The following AIMP1 variants were observed in gnomAD, a reference collection of about 807,000 sequenced individuals.
The protein encoded by AIMP1 is aminoacyl tRNA synthetase complex interacting multifunctional protein 1.
A neutral mutation model predicts 33.1 loss-of-function variants in AIMP1; 24 were observed. The observed-to-expected ratio is 0.73, with a 90% CI of 0.53 to 1.02. The LOEUF is 1.02. AIMP1 is among the 50% of genes least tolerant of loss of function. AIMP1 has a pLI of 0.00. For missense variants in AIMP1, 367 were observed against 364.8 expected (o/e 1.01, Z -0.05); for synonymous variants, 120 against 121.5 (o/e 0.99, Z 0.08).
Position 106,339,790 on chromosome 4 carries a change from T to C in AIMP1, c.772+2753T>C, listed in dbSNP as rs1770025975. ...CACAGAAAGACAGAGATGAAAAGTT[T>C]AGATTTATAATTATAAATTCCATCT... On this transcript the variant is annotated intron_variant, in intron 6 of 6. Coordinates refer to ENST00000672341, the MANE Select transcript of AIMP1 (RefSeq NM_001142416.2). Among the ~76,000 whole-genome samples, 2 of 152,070 alleles carry C rather than the reference T, an allele frequency of 1.3e-5. 1 individual carries two copies. The highest frequency in any genetic ancestry group is 4.1e-4 in the South Asian group (2 of 4,836).
intron 1 of AIMP1, among the ~76,000 whole-genome samples, chr4:106,317,869 T>C (rs1156663753): frequency 6.6e-6 from 1 of 152,192 alleles, no homozygotes; most frequent in Non-Finnish European, 1.5e-5. Context: ...AGGTATGTAA[T>C]GGGTCTAGTC....
intron 2 of AIMP1, 59 bp from the exon 3 acceptor site, chr4:106,327,392 T>C (rs1769492531): frequency 8.1e-7 from 1 of 1,241,968 alleles, no homozygotes; most frequent in South Asian, 1.2e-5. Context: ...TCTTTTCAAA[T>C]AGTATTCATA....
Position 106,341,365 on chromosome 4 carries a change from C to A in AIMP1, c.772+4328C>A, listed in dbSNP as rs573688193. On this transcript the variant is annotated intron_variant, in intron 6 of 6. Transcript: ENST00000672341. ...GAAGGATATTTCCTAGAATTTTTGC[C>A]AAGGGTGATATTGAGAAAGATATTT... Among the ~76,000 whole-genome samples, 86 of 152,040 alleles carry A rather than the reference C, an allele frequency of 5.7e-4. 1 individual carries two copies. The highest frequency in any genetic ancestry group is 2.0e-3 in the African/African-American group (81 of 41,486).
chr4:106,333,548 A>G (rs552926575), intron 5 of AIMP1, among the ~76,000 whole-genome samples: 3 of 152,326 alleles, frequency 2.0e-5, no homozygotes, highest in African/African-American at 7.2e-5. Context: ...GTTTCATAAA[A>G]GAAATTGATA....
chr4:106,337,282 C>G (rs775435412), intron 6 of AIMP1, among the ~76,000 whole-genome samples: 12 of 152,140 alleles, frequency 7.9e-5, no homozygotes, highest in Non-Finnish European at 1.3e-4. Flanking sequence ...GACTATGTCC[C>G]CACCAAAATC....
At chr4:106,331,953 C>T in intron 5 of AIMP1, 70 bp downstream of exon 5, 1 of 1,419,112 alleles carries the variant, frequency 7.0e-7, no homozygotes, top group East Asian at 2.3e-5. Flanking sequence ...TGGTATCTTT[C>T]CATTATAATT....
At chr4:106,325,207 T>C in intron 2 of AIMP1, 89 bp downstream of exon 2, 3 of 1,270,604 alleles carry the variant, frequency 2.4e-6, no homozygotes, top group Non-Finnish European at 3.3e-6. Context: ...TTTAAGTTAT[T>C]TAAGTTTTAC....
intron 4 of AIMP1, among the ~76,000 whole-genome samples, chr4:106,331,278 T>C (rs1339651204): frequency 6.6e-6 from 1 of 152,158 alleles, no homozygotes; most frequent in African/African-American, 2.4e-5. Context: ...AAAGGCAAAC[T>C]TTTTCTGCCT....
Position 106,347,524 on chromosome 4 carries a change from A to C in AIMP1, c.773-2A>C, listed in dbSNP as rs372542318. 3.4e-5 allele frequency: 55 copies of C among 1,612,186 alleles called. No individual in the cohort carries two copies. The highest frequency in any genetic ancestry group is 4.7e-5 in the Non-Finnish European group (55 of 1,179,134). On this transcript the variant is annotated splice_acceptor_variant, in intron 6 of 6. Coordinates refer to ENST00000672341, the MANE Select transcript of AIMP1 (RefSeq NM_001142416.2). LOFTEE classifies it high-confidence loss of function. ...TTCTTGTGCTTTTTTTCTCCTACAC[A>C]GGAGAGCCTGACAAGGAGCTGAATC...
intron 5 of AIMP1, among the ~76,000 whole-genome samples, chr4:106,334,329 C>T (rs1394305421): frequency 6.7e-6 from 1 of 148,270 alleles, no homozygotes; most frequent in African/African-American, 2.5e-5. Context: ...GGGGCAGTCT[C>T]GGCTCACTGC....
chr4:106,324,951 A>C (rs1358765433), intron 1 of AIMP1, 34 bp from the exon 2 acceptor site: 1 of 1,543,732 alleles, frequency 6.5e-7, no homozygotes, highest in African/African-American at 1.4e-5. Flanking sequence ...TATTCCTTTC[A>C]CAGTGTAATT....
intron 5 of AIMP1, among the ~76,000 whole-genome samples, chr4:106,336,597 C>G (rs1330207730): frequency 1.3e-5 from 2 of 152,160 alleles, no homozygotes; most frequent in Non-Finnish European, 2.9e-5. Flanking sequence ...AAAACCAAGT[C>G]TGTTTCACTC....
At chr4:106,335,049 T>C (rs762896551) in intron 5 of AIMP1, among the ~76,000 whole-genome samples, 2 of 152,208 alleles carry the variant, frequency 1.3e-5, no homozygotes, top group Non-Finnish European at 2.9e-5. Context: ...AAGAATAACA[T>C]TGGTCAGCCT....
chr4:106,325,248 T>C lies in AIMP1; in HGVS notation c.109+130T>C, dbSNP rs1769414883. 5 of 871,580 alleles carry C rather than the reference T, an allele frequency of 5.7e-6. 1 individual carries two copies. The South Asian group carries it at 9.7e-5, about 17-fold the overall frequency. The allele number at this position is 871,580 out of a possible 1,614,324, so 54.0% of individuals were successfully genotyped here. On this transcript the variant is annotated intron_variant, in intron 2 of 6. Coordinates refer to ENST00000672341, the MANE Select transcript of AIMP1 (RefSeq NM_001142416.2). ...AGTTTCTGTTATATGTAGAAAAATATCAAACCTGAATTTCTACCTTCAGGA... is the reference window on the plus strand; with the variant it reads ...AGTTTCTGTTATATGTAGAAAAATACCAAACCTGAATTTCTACCTTCAGGA...
chr4:106,317,907 C>A (rs558633975), intron 1 of AIMP1, among the ~76,000 whole-genome samples: 2 of 152,126 alleles, frequency 1.3e-5, no homozygotes, highest in East Asian at 3.9e-4. Context: ...TAAAAGATGG[C>A]CTTATTGTGA....
Position 106,331,776 on chromosome 4 carries a change from A to G in AIMP1, c.496A>G (p.Arg166Gly). Residue 166 changes from arginine (R) to glycine (G), a missense_variant, in exon 5 of 7, where the codon AGA becomes GGA. Physicochemically the swap from Arg to Gly is moderately radical, Grantham distance 125. Coordinates refer to ENST00000672341, the MANE Select transcript of AIMP1 (RefSeq NM_001142416.2). ...TCGAATTGGTTGCATCATAACTGCT[A>G]GAAAACACCCTGATGCAGATTCTTT... ...DLRIGCIITARKHPDADSLYV... is the reference protein window; with the variant it reads ...DLRIGCIITAGKHPDADSLYV... 6.2e-7 allele frequency: 1 copy of G among 1,614,178 alleles called. No individual in the cohort carries two copies. Among genetic ancestry groups the G allele is most frequent in the Non-Finnish European group, 8.5e-7 (1 of 1,180,006 alleles).
chr4:106,332,743 A>C (rs1769731019), intron 5 of AIMP1, among the ~76,000 whole-genome samples: 1 of 151,084 alleles, frequency 6.6e-6, no homozygotes, highest in African/African-American at 2.4e-5. Context: ...TCTGAGGCTG[A>C]TTATCTTTAA....
chr4:106,345,796 G>A, intron 6 of AIMP1, among the ~76,000 whole-genome samples: 1 of 150,118 alleles, frequency 6.7e-6, no homozygotes, highest in African/African-American at 2.4e-5. Flanking sequence ...ATATGTATAT[G>A]ACTGGAAAAT....
At chr4:106,329,773 T>G (rs67887918) in intron 4 of AIMP1, among the ~76,000 whole-genome samples, 1 of 34,282 alleles carries the variant, frequency 2.9e-5, no homozygotes, top group Admixed American at 4.6e-4. Context: ...GCTACATATC[T>G]TTTTTTTTTT....
Sources: allele counts gnomAD v4.1 joint callset (sites outside exome capture counted in the v4.1 genomes callset), GRCh38; gene constraint gnomAD v4.1.1; transcripts MANE v1.5; gene names NCBI Gene and HGNC (gene_info 2026-07-23, HGNC 2026-07-21).